TCF4: variants seen among roughly 807,000 people sequenced by gnomAD.
The protein encoded by TCF4 is SL3-3 enhancer factor 2.
Under a neutral mutation model 82.1 loss-of-function variants are expected in TCF4, and 3 were observed. The observed-to-expected ratio is 0.04, with a 90% confidence interval of 0.02 to 0.09. TCF4 has a LOEUF of 0.09. TCF4 is among the 10% of genes least tolerant of loss of function. The probability of loss-of-function intolerance (pLI) is 1.00; values close to 1 mark genes in which losing one functional copy is unlikely to be tolerated. For synonymous variants in TCF4, 276 were observed against 309.6 expected (o/e 0.89, Z 1.14); for missense variants, 518 against 852.7 (o/e 0.61, Z 4.89).
chr18:55,393,596 G>A (rs2093312308), intron 6 of TCF4, among the ~76,000 whole-genome samples: 1 of 152,174 alleles, frequency 6.6e-6, no homozygotes, highest in African/African-American at 2.4e-5. Context: ...TCACTTCAGA[G>A]TTAAAGCTGC....
intron 3 of TCF4, among the ~76,000 whole-genome samples, chr18:55,513,477 A>G (rs1275771535): frequency 6.6e-6 from 1 of 152,030 alleles, no homozygotes; most frequent in African/African-American, 2.4e-5. Context: ...ATGCATTACC[A>G]AATAGTGAAA....
At chr18:55,450,665 T>C (rs992522734) in intron 5 of TCF4, among the ~76,000 whole-genome samples, 7 of 152,056 alleles carry the variant, frequency 4.6e-5, no homozygotes, top group Non-Finnish European at 1.0e-4. Context: ...AATAATCCCA[T>C]ATACAGAGGC....
chr18:55,555,387 C>G (rs913577949), intron 3 of TCF4, among the ~76,000 whole-genome samples: 1 of 152,164 alleles, frequency 6.6e-6, no homozygotes, highest in African/African-American at 2.4e-5. Flanking sequence ...TTGGTCACTA[C>G]TGTAACCATA....
chr18:55,386,000 C>T (rs1318179293), intron 6 of TCF4, among the ~76,000 whole-genome samples: 1 of 152,210 alleles, frequency 6.6e-6, no homozygotes, highest in African/African-American at 2.4e-5. Flanking sequence ...CATTCAATCT[C>T]AATCTGCATT....
intron 4 of TCF4, among the ~76,000 whole-genome samples, chr18:55,461,967 T>G (rs2095874604): frequency 6.6e-6 from 1 of 151,906 alleles, no homozygotes; most frequent in African/African-American, 2.4e-5. Flanking sequence ...GTGCATAAAG[T>G]GACCAAAAAG....
chr18:55,316,390 C>T (rs2074140184), intron 8 of TCF4, among the ~76,000 whole-genome samples: 1 of 152,030 alleles, frequency 6.6e-6, no homozygotes, highest in South Asian at 2.1e-4. Context: ...TGTATTTGAC[C>T]TACAATAGTG....
chr18:55,621,673 ATACATTATATATT>A (rs372910175), intron 2 of TCF4, among the ~76,000 whole-genome samples: 17,308 of 36,114 alleles, frequency 0.48, 3,770 homozygotes, highest in East Asian at 0.59. Context: ...ATTATATAAT[ATACATTATATATT>A]ATATTATATA....
At chr18:55,290,690 C>G (rs1176564972) in intron 8 of TCF4, among the ~76,000 whole-genome samples, 1 of 152,070 alleles carries the variant, frequency 6.6e-6, no homozygotes, top group Non-Finnish European at 1.5e-5. Context: ...TAAGCACAGA[C>G]AGCCAAAAAG....
chr18:55,480,194 G>A (rs1453882975), intron 3 of TCF4, among the ~76,000 whole-genome samples: 2 of 139,906 alleles, frequency 1.4e-5, no homozygotes, highest in African/African-American at 2.7e-5. Context: ...GGGAATGACC[G>A]TATTTACCCT....
chr18:55,261,193 T>TA (rs1308778545), intron 12 of TCF4: 20 of 447,686 alleles, frequency 4.5e-5, no homozygotes, highest in Non-Finnish European at 6.9e-5. Context: ...GACATCAGTA[T>TA]AAAAAACCTA....
chr18:55,394,963 G>A (rs201491331), intron 6 of TCF4, among the ~76,000 whole-genome samples: 1 of 152,094 alleles, frequency 6.6e-6, no homozygotes, highest in East Asian at 1.9e-4. Context: ...CTTTTTTTCT[G>A]AAGTCCTTAA....
chr18:55,396,192 A>G (rs1291106686), intron 6 of TCF4, among the ~76,000 whole-genome samples: 1 of 152,342 alleles, frequency 6.6e-6, no homozygotes, highest in Non-Finnish European at 1.5e-5. Flanking sequence ...GTTGGAAAGC[A>G]CTGGCTTTGA....
intron 10 of TCF4, among the ~76,000 whole-genome samples, chr18:55,270,375 T>C (rs2060093985): frequency 6.6e-6 from 1 of 152,144 alleles, no homozygotes; most frequent in Non-Finnish European, 1.5e-5. Context: ...ACAGGGCTTA[T>C]ATTACATTTC....
rs546806964 is a variant in TCF4 at position 55,580,390 on chromosome 18, C to G, written c.145+4890G>C. ...ATTAATACATCAGGCTTGGTTACCT[C>G]AAATTCTGAATTGATTAGCTACATA... On this transcript the variant is annotated intron_variant, in intron 3 of 19. Transcript: ENST00000354452. Among the ~76,000 whole-genome samples, 386 of 152,054 alleles carry G rather than the reference C, an allele frequency of 2.5e-3. 2 individuals are homozygous for G. Among genetic ancestry groups the G allele is most frequent in the Non-Finnish European group, 3.8e-3 (255 of 67,864 alleles).
intron 3 of TCF4, among the ~76,000 whole-genome samples, chr18:55,502,189 A>G (rs1187995969): frequency 6.6e-6 from 1 of 152,174 alleles, no homozygotes; most frequent in East Asian, 1.9e-4. Flanking sequence ...TCTGATATCC[A>G]CCACATTGTT....
intron 3 of TCF4, among the ~76,000 whole-genome samples, chr18:55,570,496 G>A (rs187286999): frequency 1.0e-3 from 158 of 152,180 alleles, no homozygotes; most frequent in South Asian, 1.7e-3. Context: ...ATAGAAAATG[G>A]GGGCGGGGTA....
intron 2 of TCF4, among the ~76,000 whole-genome samples, chr18:55,606,888 T>C (rs2097702653): frequency 6.6e-6 from 1 of 152,194 alleles, no homozygotes; most frequent in African/African-American, 2.4e-5. Context: ...AGGAAAGTGC[T>C]ACCTAGTTCA....
intron 3 of TCF4, among the ~76,000 whole-genome samples, chr18:55,484,358 C>T (rs2096486074): frequency 6.6e-6 from 1 of 152,102 alleles, no homozygotes; most frequent in South Asian, 2.1e-4. Context: ...TCTTCCTCTA[C>T]CCAGAAACAT....
At chr18:55,434,004 TAAAAC>T (rs1208704793) in intron 5 of TCF4, among the ~76,000 whole-genome samples, 1 of 152,104 alleles carries the variant, frequency 6.6e-6, no homozygotes, top group Non-Finnish European at 1.5e-5. Flanking sequence ...CTAAAGGAAA[TAAAAC>T]AAATCAGCCT....
Sources: allele counts gnomAD v4.1 joint callset (sites outside exome capture counted in the v4.1 genomes callset), GRCh38; gene constraint gnomAD v4.1.1; transcripts MANE v1.5; gene names NCBI Gene and HGNC (gene_info 2026-07-23, HGNC 2026-07-21).